The following MYH11 variants were observed in gnomAD, a reference collection of about 807,000 sequenced individuals.
The protein encoded by MYH11 is myosin heavy chain 11.
Under a neutral mutation model 246.6 loss-of-function variants are expected in MYH11, and 80 were observed. That is an observed-to-expected ratio of 0.32 (90% CI 0.27 to 0.39). The LOEUF (loss-of-function observed/expected upper bound fraction) is 0.39. MYH11 is among the 10% of genes least tolerant of loss of function. MYH11 has a pLI of 1.00. For missense variants in MYH11, 2,158 were observed against 2,546.8 expected (o/e 0.85, Z 3.29); for synonymous variants, 1,071 against 1,015.5 (o/e 1.05, Z -1.04).
At position 15,704,082 on chromosome 16, in the gene MYH11, C is replaced by G. The variant is rs1567668723; in HGVS notation, c.5828G>C (p.Gly1943Ala). 2 of 1,614,080 alleles carry G rather than the reference C, an allele frequency of 1.2e-6. No homozygotes were observed. Among genetic ancestry groups the G allele is most frequent in the South Asian group, 1.1e-5 (1 of 91,080 alleles). Residue 1943 changes from glycine to alanine, a missense_variant, in exon 41 of 41, where the codon GGA (glycine) becomes GCA (alanine). By Grantham distance (60) the Gly-to-Ala change is moderately conservative. Coordinates refer to ENST00000300036, the MANE Select transcript of MYH11 (RefSeq NM_002474.3). ...TGCATTTTCAATAACTCTACGTCCT[C>G]CAGACCTTCTAGAAGGAACGAAAGA... Reference protein sequence around the residue: ...ETSFVPSRRSGGRRVIENADG... With the variant: ...ETSFVPSRRSAGRRVIENADG...
chr16:15,796,965 T>A (rs1029807026), intron 4 of MYH11, among the ~76,000 whole-genome samples: 4 of 152,204 alleles, frequency 2.6e-5, no homozygotes, highest in Non-Finnish European at 5.9e-5. Flanking sequence ...CATCCTACCA[T>A]GGAATATGAG....
At chr16:15,782,735 T>A (rs1439466304) in intron 5 of MYH11, 2 of 481,944 alleles carry the variant, frequency 4.1e-6, no homozygotes, top group Non-Finnish European at 7.6e-6. Context: ...TGCTCATCTG[T>A]GCAACATCAC....
At chr16:15,743,550 C>G (rs529571965) in intron 20 of MYH11, among the ~76,000 whole-genome samples, 79 of 152,208 alleles carry the variant, frequency 5.2e-4, no homozygotes, top group Non-Finnish European at 7.4e-4. Context: ...TGCTGTCCTT[C>G]CCTGGGCTGC....
chr16:15,807,424 T>G (rs1306287670), intron 3 of MYH11, among the ~76,000 whole-genome samples: 1 of 151,978 alleles, frequency 6.6e-6, no homozygotes, highest in Non-Finnish European at 1.5e-5. Context: ...CGTCAGGTTT[T>G]TTGTTTGTTT....
At chr16:15,741,331 C>T in intron 22 of MYH11, 132 bp downstream of exon 22, 1 of 1,045,218 alleles carries the variant, frequency 9.6e-7, no homozygotes, top group Non-Finnish European at 1.5e-6. Flanking sequence ...GATCAGATGA[C>T]CAACCCTCTC....
intron 2 of MYH11, among the ~76,000 whole-genome samples, chr16:15,836,009 C>G (rs2043881674): frequency 6.6e-6 from 1 of 152,136 alleles, no homozygotes; most frequent in African/African-American, 2.4e-5. Context: ...CTCAGTTTCT[C>G]AAAGTGCTGG....
At chr16:15,820,785 T>C (rs550563626) in intron 3 of MYH11, among the ~76,000 whole-genome samples, 1 of 152,368 alleles carries the variant, frequency 6.6e-6, no homozygotes, top group South Asian at 2.1e-4. Flanking sequence ...ATACTGAATC[T>C]ACAAATTAGC....
chr16:15,727,707 C>G (rs1450810979), intron 27 of MYH11, among the ~76,000 whole-genome samples: 1 of 152,198 alleles, frequency 6.6e-6, no homozygotes, highest in South Asian at 2.1e-4. Flanking sequence ...GCCATGGCAG[C>G]TCATACTTGT....
intron 1 of MYH11, among the ~76,000 whole-genome samples, chr16:15,853,844 G>A (rs760915066): frequency 6.6e-6 from 1 of 152,090 alleles, no homozygotes; most frequent in Non-Finnish European, 1.5e-5. Flanking sequence ...CCAATATGGT[G>A]AAACCCCATC....
At chr16:15,780,274 G>C (rs545660358) in intron 6 of MYH11, among the ~76,000 whole-genome samples, 5 of 152,148 alleles carry the variant, frequency 3.3e-5, no homozygotes, top group South Asian at 2.1e-4. Context: ...CACATGTTGG[G>C]GGGGGGCCGC....
At chr16:15,853,273 C>G (rs1198997796) in intron 1 of MYH11, among the ~76,000 whole-genome samples, 1 of 152,158 alleles carries the variant, frequency 6.6e-6, no homozygotes, top group African/African-American at 2.4e-5. Context: ...ACTCAACCTC[C>G]TGAATAACTA....
At chr16:15,800,341 GAGAC>G (rs1191046688) in intron 3 of MYH11, among the ~76,000 whole-genome samples, 3 of 150,528 alleles carry the variant, frequency 2.0e-5, no homozygotes, top group Non-Finnish European at 3.0e-5. Context: ...GACAGGTAGA[GAGAC>G]AGGAAGACAA....
chr16:15,707,548 C>T (rs2039521920), intron 40 of MYH11, among the ~76,000 whole-genome samples: 1 of 152,296 alleles, frequency 6.6e-6, no homozygotes, highest in East Asian at 1.9e-4. Context: ...ACAAAACTGG[C>T]TCTTAACAAG....
chr16:15,771,590 A>G lies in MYH11; in HGVS notation c.1012T>C (p.Phe338Leu), dbSNP rs766124723. ...TTACATAGCTGCTCCTCCTCGCTGA[A>G]ACCCATGATTGCCATGGCCTCCACG... ...ETVEAMAIMG[F>L]SEEEQLSILK... is the part of the protein sequence containing the mutation. Residue 338 changes from phenylalanine (F) to leucine (L), a missense_variant, in exon 9 of 41, where the codon TTC (phenylalanine) becomes CTC (leucine). Phe to Leu is a conservative substitution (Grantham distance 22). This residue lies in a region of MYH11 where 75 missense variants were observed against 70.0 expected (regional missense o/e 1.07). Transcript: ENST00000300036. The G allele has an allele frequency of 1.2e-6, 2 of 1,613,984 alleles. No homozygotes were observed. The highest frequency in any genetic ancestry group is 3.3e-5 in the Admixed American group (2 of 59,994).
At chr16:15,779,034 C>T in intron 6 of MYH11, 191 bp from the exon 7 acceptor site, 1 of 679,562 alleles carries the variant, frequency 1.5e-6, no homozygotes, top group Middle Eastern at 2.7e-4. Context: ...CCACCCCAGG[C>T]CTGACAGCAA....
intron 3 of MYH11, among the ~76,000 whole-genome samples, chr16:15,817,848 C>T (rs1407113460): frequency 6.6e-6 from 1 of 152,180 alleles, no homozygotes; most frequent in Admixed American, 6.5e-5. Context: ...TCCCTGCCCC[C>T]TTCTCTCACC....
chr16:15,760,739 G>C, intron 10 of MYH11, 81 bp from the exon 11 acceptor site: 1 of 980,412 alleles, frequency 1.0e-6, no homozygotes, highest in Non-Finnish European at 1.7e-6. Flanking sequence ...GGATATTTGT[G>C]ATCTGTGAAT....
intron 38 of MYH11, among the ~76,000 whole-genome samples, chr16:15,715,815 TAA>T (rs1046158288): frequency 6.6e-6 from 1 of 152,014 alleles, no homozygotes; most frequent in Non-Finnish European, 1.5e-5. Context: ...CTCAGACTTT[TAA>T]AAGTTTTTCA....
chr16:15,774,859 A>T (rs1012319722), intron 8 of MYH11, among the ~76,000 whole-genome samples: 1 of 152,174 alleles, frequency 6.6e-6, no homozygotes, highest in African/African-American at 2.4e-5. Context: ...AAAGTGTGGG[A>T]TTACAGGCAT....
Sources: gnomAD v4.1 joint callset for allele counts (sites outside exome capture counted in the v4.1 genomes callset) on GRCh38, gnomAD v4.1.1 for gene constraint, gnomAD v4.1.1 regional missense constraint, MANE v1.5 for transcripts, NCBI Gene and HGNC (gene_info 2026-07-23, HGNC 2026-07-21) for gene names.